The following ABCA9 variants were observed in gnomAD, a reference collection of about 807,000 sequenced individuals.
The protein encoded by ABCA9 is ATP binding cassette subfamily A member 9.
ABCA9 carries 183 observed loss-of-function variants against 205.3 expected under a neutral mutation model. That is an observed-to-expected ratio of 0.89 (90% CI 0.79 to 1.01). ABCA9 has a LOEUF of 1.01. Ranked by LOEUF, ABCA9 falls within the 50% of genes least tolerant of loss-of-function variation. ABCA9 has a pLI of 0.00. For missense variants in ABCA9, 1,805 were observed against 1,912.4 expected, an observed-to-expected ratio of 0.94 and a Z score of 1.05; for synonymous variants, 651 against 683.3, an observed-to-expected ratio of 0.95 and a Z score of 0.74.
intron 3 of ABCA9, among the ~76,000 whole-genome samples, chr17:69,047,724 C>T (rs150791509): frequency 1.3e-5 from 2 of 152,170 alleles, no homozygotes; most frequent in African/African-American, 4.8e-5. Context: ...TGGCAAAGGT[C>T]ACAAGACATG....
chr17:68,982,662 G>A (rs745836715), intron 36 of ABCA9, 21 bp from the exon 37 acceptor site: 2 of 1,600,862 alleles, frequency 1.2e-6, no homozygotes, highest in East Asian at 4.5e-5. Flanking sequence ...AAGACAGTGA[G>A]GCTGAACTCC....
upstream of ABCA9, among the ~76,000 whole-genome samples, chr17:69,064,310 T>C (rs1260641499): frequency 6.6e-6 from 1 of 152,262 alleles, no homozygotes; most frequent in African/African-American, 2.4e-5. Flanking sequence ...TATTTTGTTC[T>C]ACTAGTGATA....
intron 37 of ABCA9, among the ~76,000 whole-genome samples, chr17:68,981,207 A>T (rs1182065996): frequency 6.6e-6 from 1 of 152,136 alleles, no homozygotes; most frequent in East Asian, 1.9e-4. Flanking sequence ...ATAAATTCAG[A>T]TTTATTGACT....
intron 6 of ABCA9, among the ~76,000 whole-genome samples, chr17:69,041,215 A>G (rs542693835): frequency 2.6e-4 from 40 of 152,230 alleles, no homozygotes; most frequent in Admixed American, 9.2e-4. Flanking sequence ...TTTGCACAGT[A>G]CACTTTCATT....
At chr17:69,029,634 G>T (rs1355877378) in intron 10 of ABCA9, among the ~76,000 whole-genome samples, 1 of 152,186 alleles carries the variant, frequency 6.6e-6, no homozygotes, top group East Asian at 1.9e-4. Flanking sequence ...ATCATTAAAT[G>T]ATTCACAACT....
At chr17:69,000,412 T>G (rs372870775) in intron 25 of ABCA9, among the ~76,000 whole-genome samples, 1 of 152,008 alleles carries the variant, frequency 6.6e-6, no homozygotes, top group East Asian at 1.9e-4. Context: ...GTTTTTCTCA[T>G]GTTTGTCAAA....
intron 23 of ABCA9, among the ~76,000 whole-genome samples, chr17:69,011,352 G>A (rs941567130): frequency 3.3e-5 from 5 of 152,094 alleles, no homozygotes; most frequent in Non-Finnish European, 7.4e-5. Flanking sequence ...TAAAAGTAAA[G>A]GAAAAATAGT....
chr17:68,994,562 T>C (rs1158341787), intron 26 of ABCA9, among the ~76,000 whole-genome samples: 6 of 152,166 alleles, frequency 3.9e-5, no homozygotes, highest in Non-Finnish European at 8.8e-5. Flanking sequence ...AAATAGTTTT[T>C]CACATCTTTT....
At chr17:68,992,814 A>AC in intron 27 of ABCA9, 1 of 270,090 alleles carries the variant, frequency 3.7e-6, no homozygotes. Context: ...ACTCTGTCTC[A>AC]AAAAAAAAAA....
At chr17:69,026,215 C>A (rs1421220308) in intron 16 of ABCA9, among the ~76,000 whole-genome samples, 162 bp downstream of exon 16, 1 of 152,114 alleles carries the variant, frequency 6.6e-6, no homozygotes, top group East Asian at 1.9e-4. Flanking sequence ...TCTCATATAT[C>A]CTGCATTCTA....
intron 22 of ABCA9, among the ~76,000 whole-genome samples, chr17:69,014,674 G>C (rs915809172): frequency 2.0e-5 from 3 of 152,000 alleles, no homozygotes; most frequent in African/African-American, 7.2e-5. Flanking sequence ...AGAAGACAGG[G>C]CAATCTCCTT....
At chr17:68,996,217 A>T (rs538869276) in intron 25 of ABCA9, among the ~76,000 whole-genome samples, 1 of 152,330 alleles carries the variant, frequency 6.6e-6, no homozygotes, top group African/African-American at 2.4e-5. Context: ...CTTAAAAGAC[A>T]CAGTGATGCT....
chr17:68,976,755 T>C (rs887314922), intron 37 of ABCA9, among the ~76,000 whole-genome samples: 1 of 152,228 alleles, frequency 6.6e-6, no homozygotes, highest in African/African-American at 2.4e-5. Context: ...ACTTCTATTG[T>C]TTCTCGTCTC....
At position 68,984,967 on chromosome 17, in the gene ABCA9, G is replaced by A. The variant is rs1296902038; in HGVS notation, c.4297C>T (p.Leu1433=). Reference sequence around the variant, plus strand: ...ACTGACGGGTTCCCCAGGATGCTCAGCACAAAGCACAGCTGCAACGGGAGG... The same window carrying A: ...ACTGACGGGTTCCCCAGGATGCTCAACACAAAGCACAGCTGCAACGGGAGG... ...EGIKRKLCFV[L]SILGNPSVVL... is the part of the protein sequence containing the mutation. Residue 1433 remains leucine (L), a synonymous_variant, in exon 34 of 39, where the codon CTG becomes TTG. Coordinates refer to ENST00000340001, the MANE Select transcript of ABCA9 (RefSeq NM_080283.4). The A allele has an allele frequency of 6.2e-7, 1 of 1,614,160 alleles. No homozygotes were observed.
Position 69,032,290 on chromosome 17 carries a change from A to T in ABCA9, c.1277-14T>A. On this transcript the variant is annotated splice_polypyrimidine_tract_variant and intron_variant, in intron 9 of 38. Coordinates refer to ENST00000340001, the MANE Select transcript of ABCA9 (RefSeq NM_080283.4). The stretch of plus-strand genomic sequence containing the variant: ...GTCCATATTCAGCTATGTGAGCAGG[A>T]GGCAATTGAATACTGGGTCAGTCAT... 6.2e-7 allele frequency: 1 copy of T among 1,610,012 alleles called. No individual in the cohort carries two copies. The highest frequency in any genetic ancestry group is 8.5e-7 in the Non-Finnish European group (1 of 1,177,904).
intron 25 of ABCA9, among the ~76,000 whole-genome samples, chr17:68,999,955 C>A (rs1302449470): frequency 6.6e-6 from 1 of 152,130 alleles, no homozygotes; most frequent in Admixed American, 6.5e-5. Context: ...ATGTCCTTCG[C>A]CCACTTTTTG....
intron 25 of ABCA9, among the ~76,000 whole-genome samples, chr17:68,997,107 T>G (rs891599736): frequency 6.6e-6 from 1 of 152,208 alleles, no homozygotes; most frequent in Non-Finnish European, 1.5e-5. Context: ...ATTTTTGTAT[T>G]TTTAGTAAAG....
chr17:69,027,677 T>A lies in ABCA9; in HGVS notation c.1754A>T (p.Lys585Ile), dbSNP rs769389714. 2 of 1,613,638 alleles carry A rather than the reference T, an allele frequency of 1.2e-6. No individual in the cohort carries two copies. The highest frequency in any genetic ancestry group is 4.5e-5 in the East Asian group (2 of 44,808). ...TTCATGTGGCAAAATCCCTTTTATT[T>A]TAGCAAACAGCCTGAGGTTTTCTTT... is the stretch of plus-strand genomic sequence containing the variant. ...TVKENLRLFA[K>I]IKGILPHEVE... is the part of the protein sequence containing the mutation. Residue 585 changes from lysine to isoleucine, a missense_variant, in exon 13 of 39, where the codon AAA (lysine) becomes ATA (isoleucine). By Grantham distance (102) the Lys-to-Ile change is moderately radical. Coordinates refer to ENST00000340001, the MANE Select transcript of ABCA9 (RefSeq NM_080283.4).
chr17:69,051,160 A>C, intron 1 of ABCA9, 21 bp from the exon 2 acceptor site: 1 of 1,608,384 alleles, frequency 6.2e-7, no homozygotes, highest in Non-Finnish European at 8.5e-7. Flanking sequence ...ACAGAAAAAA[A>C]ATGAAGTACA....
Sources: gnomAD v4.1 joint callset for allele counts (sites outside exome capture counted in the v4.1 genomes callset) on GRCh38, gnomAD v4.1.1 for gene constraint, MANE v1.5 for transcripts, NCBI Gene and HGNC (gene_info 2026-07-23, HGNC 2026-07-21) for gene names.